Variants in NCOA1 observed in about 807,000 individuals in gnomAD.
NCOA1 encodes Hin-2 protein.
In NCOA1, 35 loss-of-function variants were observed where a neutral mutation model predicts 150.9. The ratio of observed to expected loss-of-function variants is 0.23; its 90% confidence interval spans 0.18 to 0.31. The LOEUF is 0.31. Ranked by LOEUF, NCOA1 falls within the 10% of genes least tolerant of loss-of-function variation. NCOA1 has a pLI of 1.00. For missense variants in NCOA1, 1,491 were observed against 1,749.3 expected (o/e 0.85, Z 2.63); for synonymous variants, 590 against 630.0 (o/e 0.94, Z 0.95).
chr2:24,768,516 CAA>C lies in NCOA1; in HGVS notation c.*149_*150del, dbSNP rs772970404. 0.018 allele frequency: 980 copies of C among 54,850 alleles called. No individual in the cohort carries two copies. The highest frequency in any genetic ancestry group is 0.055 in the East Asian group (195 of 3,546). 3.4% of individuals were successfully genotyped at this position (54,850 alleles called of 1,614,324 possible). A position where few individuals can be genotyped will look rare whatever the true frequency, so the allele number is the denominator to read the frequency against. ...ATTCTTCAGGTCGTAGCATTTGGAG[CAA>C]AAAAAAAAAAAAAAAAAAAAAAAGG... is the stretch of plus-strand genomic sequence containing the variant. On this transcript the variant is annotated 3_prime_UTR_variant, in exon 23 of 23. Transcript: ENST00000348332.
At chr2:24,517,097 A>T (rs1423091879) in intron 1 of NCOA1, among the ~76,000 whole-genome samples, 1 of 146,326 alleles carries the variant, frequency 6.8e-6, no homozygotes, top group Non-Finnish European at 1.5e-5. Flanking sequence ...GCTAGTGCAT[A>T]ATCTCTTCCG....
intron 8 of NCOA1, among the ~76,000 whole-genome samples, chr2:24,684,520 C>T (rs1418597202): frequency 6.6e-6 from 1 of 152,186 alleles, no homozygotes; most frequent in African/African-American, 2.4e-5. Flanking sequence ...CATCTACTAG[C>T]TTATGTGCTT....
rs2148050840 is a variant in NCOA1 at position 24,491,602 on chromosome 2, G to A, written c.-396G>A. Among the ~76,000 whole-genome samples the A allele has an allele frequency of 6.6e-6, 1 of 150,426 alleles. No homozygotes were observed. Among genetic ancestry groups the A allele is most frequent in the East Asian group, 2.0e-4 (1 of 5,108 alleles). ...GCGGGGCCCAGAGGCGGCGGCGGCA[G>A]GTGAGTGGCGGGCTGCGGGTGCGGA... On this transcript the variant is annotated splice_region_variant and 5_prime_UTR_variant, in exon 1 of 23. Coordinates refer to ENST00000348332, the MANE Select transcript of NCOA1 (RefSeq NM_003743.5).
At chr2:24,549,658 C>G (rs186374899) in intron 1 of NCOA1, among the ~76,000 whole-genome samples, 252 of 152,324 alleles carry the variant, frequency 1.7e-3, no homozygotes, top group African/African-American at 5.9e-3. Flanking sequence ...GCTCCACCTC[C>G]CGCGTTTACG....
intron 5 of NCOA1, among the ~76,000 whole-genome samples, chr2:24,659,881 G>A (rs537055692): frequency 6.6e-6 from 1 of 152,186 alleles, no homozygotes; most frequent in African/African-American, 2.4e-5. Flanking sequence ...GTCCCCTGGG[G>A]CCAGGGGAAA....
At chr2:24,572,050 T>C (rs1666764122) in intron 2 of NCOA1, among the ~76,000 whole-genome samples, 1 of 152,178 alleles carries the variant, frequency 6.6e-6, no homozygotes, top group Admixed American at 6.6e-5. Flanking sequence ...TTACATGAGA[T>C]AAGCAAAGCA....
intron 3 of NCOA1, among the ~76,000 whole-genome samples, chr2:24,627,081 T>G (rs928850040): frequency 1.3e-5 from 2 of 151,578 alleles, no homozygotes; most frequent in Admixed American, 1.3e-4. Flanking sequence ...ATTTTAAAAT[T>G]CCTTACTAAT....
At chr2:24,622,590 A>T (rs1447838309) in intron 3 of NCOA1, among the ~76,000 whole-genome samples, 1 of 152,244 alleles carries the variant, frequency 6.6e-6, no homozygotes, top group Non-Finnish European at 1.5e-5. Context: ...TCCAAAAACA[A>T]TATAAGACAT....
intron 14 of NCOA1, among the ~76,000 whole-genome samples, chr2:24,719,579 T>C (rs11889662): frequency 0.17 from 25,300 of 152,148 alleles, 2,538 homozygotes; most frequent in Non-Finnish European, 0.23. Context: ...TCAGATTTTA[T>C]CTGCTTGATA....
chr2:24,513,007 G>A (rs1386136259), intron 1 of NCOA1, among the ~76,000 whole-genome samples: 2 of 152,168 alleles, frequency 1.3e-5, no homozygotes, highest in East Asian at 3.8e-4. Flanking sequence ...AGTAAGGCTT[G>A]CGAAAACAGC....
chr2:24,528,344 C>CA (rs1553423964), intron 1 of NCOA1, among the ~76,000 whole-genome samples: 4 of 125,876 alleles, frequency 3.2e-5, no homozygotes, highest in African/African-American at 8.9e-5. Context: ...CAATTTCATT[C>CA]TTTTTTTTTT....
At chr2:24,652,466 T>G (rs138210167) in intron 4 of NCOA1, among the ~76,000 whole-genome samples, 147 of 152,270 alleles carry the variant, frequency 9.7e-4, no homozygotes, top group African/African-American at 3.3e-3. Context: ...TATAAATGCT[T>G]CTTCGTGCTA....
chr2:24,742,280 G>A (rs1314014271), intron 19 of NCOA1, 94 bp downstream of exon 19: 2 of 1,414,288 alleles, frequency 1.4e-6, no homozygotes, highest in Non-Finnish European at 1.9e-6. Flanking sequence ...TTAAAATAGT[G>A]TGTGGAAGAG....
At chr2:24,496,263 T>C (rs1175591884) in intron 1 of NCOA1, among the ~76,000 whole-genome samples, 1 of 152,246 alleles carries the variant, frequency 6.6e-6, no homozygotes, top group Non-Finnish European at 1.5e-5. Context: ...AGATTTTCTG[T>C]GGGCAAATTT....
chr2:24,582,752 A>T (rs1351266236), intron 2 of NCOA1, among the ~76,000 whole-genome samples: 1 of 152,192 alleles, frequency 6.6e-6, no homozygotes, highest in Admixed American at 6.5e-5. Context: ...TGGCATAAAA[A>T]CAGACACATA....
intron 3 of NCOA1, among the ~76,000 whole-genome samples, chr2:24,632,065 G>T (rs186071085): frequency 2.2e-4 from 33 of 147,336 alleles, no homozygotes; most frequent in African/African-American, 7.7e-4. Flanking sequence ...TGAGCACTTA[G>T]TATTGTTCAC....
intron 3 of NCOA1, among the ~76,000 whole-genome samples, chr2:24,602,493 G>A (rs1339722846): frequency 2.6e-5 from 4 of 152,082 alleles, no homozygotes; most frequent in African/African-American, 4.8e-5. Context: ...GTGCCACTGC[G>A]CCTGGCAACA....
At position 24,516,953 on chromosome 2, in the gene NCOA1, C is replaced by T. The variant is rs1253794171; in HGVS notation, c.-396+25351C>T. On this transcript the variant is annotated intron_variant, in intron 1 of 22. Transcript: ENST00000348332. Reference sequence around the variant, plus strand: ...GTGTGTATATATATACGTATATATACAAGTATATATACGTATATATACACA... The same window carrying T: ...GTGTGTATATATATACGTATATATATAAGTATATATACGTATATATACACA... Among the ~76,000 whole-genome samples the T allele has an allele frequency of 9.2e-3, 176 of 19,156 alleles. 1 individual carries two copies. The highest frequency in any genetic ancestry group is 0.013 in the Admixed American group (11 of 872). The allele number at this position is 19,156 out of a possible 152,430, so 12.6% of individuals were successfully genotyped here. A position where few individuals can be genotyped will look rare whatever the true frequency, so the allele number is the denominator to read the frequency against.
At position 24,684,260 on chromosome 2, in the gene NCOA1, A is replaced by G. The variant is rs151178028; in HGVS notation, c.532+1132A>G. On this transcript the variant is annotated intron_variant, in intron 8 of 22. Coordinates refer to ENST00000348332, the MANE Select transcript of NCOA1 (RefSeq NM_003743.5). The stretch of plus-strand genomic sequence containing the variant: ...AGCTATTGCATTTTATTTTGTATCA[A>G]AAAAACTAATTTAATTTTAGTCTCA... Among the ~76,000 whole-genome samples the G allele has an allele frequency of 7.5e-3, 1,144 of 152,346 alleles. 13 individuals carry two copies. Among genetic ancestry groups the G allele is most frequent in the African/African-American group, 0.026 (1,065 of 41,570 alleles).
Sources: gnomAD v4.1 joint callset for allele counts (sites outside exome capture counted in the v4.1 genomes callset) on GRCh38, gnomAD v4.1.1 for gene constraint, MANE v1.5 for transcripts, NCBI Gene and HGNC (gene_info 2026-07-23, HGNC 2026-07-21) for gene names.